The following SPINK8 variants were observed in gnomAD, a reference collection of about 807,000 sequenced individuals.
SPINK8 encodes serine protease inhibitor Kazal-type 8.
Under a neutral mutation model 14.4 loss-of-function variants are expected in SPINK8, and 12 were observed. That is an observed-to-expected ratio of 0.83 (90% CI 0.53 to 1.35). The LOEUF (loss-of-function observed/expected upper bound fraction) is 1.35, where lower values mean the gene tolerates loss of function less well. Ranked by LOEUF, SPINK8 falls within the 40% of genes most tolerant of loss-of-function variation. The pLI is 0.00. For missense variants in SPINK8, 103 were observed against 117.0 expected, an observed-to-expected ratio of 0.88 and a Z score of 0.55; for synonymous variants, 32 against 37.6, an observed-to-expected ratio of 0.85 and a Z score of 0.55.
At chr3:48,323,311 A>G (rs1183782647) in intron 4 of SPINK8, among the ~76,000 whole-genome samples, 2 of 151,878 alleles carry the variant, frequency 1.3e-5, no homozygotes, top group Non-Finnish European at 2.9e-5. Context: ...CACCCAGCTA[A>G]TTTTTGTATT....
At chr3:48,322,304 G>A (rs773927326) in intron 4 of SPINK8, among the ~76,000 whole-genome samples, 3 of 149,646 alleles carry the variant, frequency 2.0e-5, no homozygotes, top group Non-Finnish European at 3.0e-5. Context: ...CCCCACCCTC[G>A]CCCCTGAAAA....
intron 4 of SPINK8, among the ~76,000 whole-genome samples, chr3:48,326,512 T>C (rs1448033671): frequency 2.7e-4 from 41 of 151,696 alleles, no homozygotes; most frequent in Non-Finnish European, 1.0e-4. Context: ...AAGGCTGAGA[T>C]GGGAGAATCG....
At chr3:48,311,260 A>G (rs2035921903) in intron 6 of SPINK8, among the ~76,000 whole-genome samples, 1 of 152,214 alleles carries the variant, frequency 6.6e-6, no homozygotes, top group Admixed American at 6.5e-5. Context: ...GATAAAGAAC[A>G]CTTATGAAAA....
chr3:48,317,883 G>C (rs1297319132), intron 6 of SPINK8, among the ~76,000 whole-genome samples: 2 of 152,046 alleles, frequency 1.3e-5, no homozygotes, highest in African/African-American at 4.8e-5. Context: ...TAGGACTACA[G>C]GCAGGTGCCA....
chr3:48,310,981 A>G (rs1283580256), intron 6 of SPINK8, among the ~76,000 whole-genome samples: 1 of 152,194 alleles, frequency 6.6e-6, no homozygotes. Flanking sequence ...AGATGCAAAG[A>G]TTCTCAGAAA....
At chr3:48,319,640 C>T in intron 5 of SPINK8, 22 bp from the exon 6 acceptor site, 1 of 1,613,572 alleles carries the variant, frequency 6.2e-7, no homozygotes, top group Non-Finnish European at 8.5e-7. Context: ...ACACACACAA[C>T]TGCTTCAGAC....
Position 48,306,926 on chromosome 3 carries a change from G to A in SPINK8, c.*66C>T. On this transcript the variant is annotated 3_prime_UTR_variant, in exon 8 of 8. Coordinates refer to ENST00000434006, the MANE Select transcript of SPINK8 (RefSeq NM_001080525.3). ...TAATTAAAGGGGATATATTTGAAGAGGCAACCATTGTGTTTCACTTGGCAA... is the reference window on the plus strand; with the variant it reads ...TAATTAAAGGGGATATATTTGAAGAAGCAACCATTGTGTTTCACTTGGCAA... The A allele has an allele frequency of 6.5e-7, 1 of 1,548,040 alleles. No individual in the cohort carries two copies. Among genetic ancestry groups the A allele is most frequent in the Non-Finnish European group, 8.9e-7 (1 of 1,125,286 alleles).
chr3:48,321,998 T>C (rs2036082789), intron 4 of SPINK8, among the ~76,000 whole-genome samples: 1 of 151,994 alleles, frequency 6.6e-6, no homozygotes, highest in Middle Eastern at 3.2e-3. Context: ...ATTTTTTTGG[T>C]GGAGCTGAGG....
At chr3:48,311,914 G>A (rs554169912) in intron 6 of SPINK8, among the ~76,000 whole-genome samples, 40 of 152,246 alleles carry the variant, frequency 2.6e-4, no homozygotes, top group African/African-American at 9.1e-4. Flanking sequence ...GAATTGCAAA[G>A]GGCCCTGAGT....
chr3:48,322,334 T>C (rs1246422089), intron 4 of SPINK8, among the ~76,000 whole-genome samples: 1 of 151,854 alleles, frequency 6.6e-6, no homozygotes, highest in African/African-American at 2.4e-5. Context: ...CACTTTCTGT[T>C]TCTTTTTGTT....
At chr3:48,308,549 G>T (rs1034495532) in intron 7 of SPINK8, among the ~76,000 whole-genome samples, 1 of 152,104 alleles carries the variant, frequency 6.6e-6, no homozygotes, top group Non-Finnish European at 1.5e-5. Flanking sequence ...TAGAAGATTT[G>T]GGATTTTCTA....
At chr3:48,321,272 T>C (rs1411544726) in intron 4 of SPINK8, among the ~76,000 whole-genome samples, 198 bp from the exon 5 acceptor site, 2 of 152,166 alleles carry the variant, frequency 1.3e-5, no homozygotes, top group South Asian at 2.1e-4. Flanking sequence ...TCTTGTAAAA[T>C]GGAGTTCTTA....
At chr3:48,328,512 T>A (rs2036176933) in intron 3 of SPINK8, among the ~76,000 whole-genome samples, 158 bp from the exon 4 acceptor site, 1 of 152,214 alleles carries the variant, frequency 6.6e-6, no homozygotes, top group Non-Finnish European at 1.5e-5. Flanking sequence ...AATTGTTTAA[T>A]TCATTTCCCT....
chr3:48,307,328 T>A (rs1405750098), intron 7 of SPINK8, among the ~76,000 whole-genome samples: 4 of 152,002 alleles, frequency 2.6e-5, no homozygotes, highest in Non-Finnish European at 5.9e-5. Context: ...GAGCTTTCCA[T>A]CTCCCTAAGA....
intron 4 of SPINK8, among the ~76,000 whole-genome samples, chr3:48,324,616 G>T (rs2036115670): frequency 6.6e-6 from 1 of 152,030 alleles, no homozygotes; most frequent in South Asian, 2.1e-4. Flanking sequence ...AGAACATATA[G>T]AATACATTCA....
chr3:48,313,715 A>G (rs2035952332), intron 6 of SPINK8, among the ~76,000 whole-genome samples: 1 of 152,222 alleles, frequency 6.6e-6, no homozygotes. Flanking sequence ...AACAACCCAA[A>G]TTTCCTTCAA....
At chr3:48,310,647 G>C (rs145671660) in intron 6 of SPINK8, among the ~76,000 whole-genome samples, 1 of 151,952 alleles carries the variant, frequency 6.6e-6, no homozygotes, top group African/African-American at 2.4e-5. Context: ...ACAGGCATGC[G>C]CCACCAGGCC....
chr3:48,330,440 ACCCAAGAGG>A (rs2036239768), intron 2 of SPINK8, among the ~76,000 whole-genome samples: 1 of 152,010 alleles, frequency 6.6e-6, no homozygotes, highest in African/African-American at 2.4e-5. Context: ...AATCGCTTGA[ACCCAAGAGG>A]CAGAGGTTGC....
chr3:48,320,914 C>A, intron 5 of SPINK8, 111 bp downstream of exon 5: 1 of 1,020,596 alleles, frequency 9.8e-7, no homozygotes, highest in South Asian at 1.6e-5. Context: ...TTCTGTTATT[C>A]CCATGCAAGC....
Sources: allele counts gnomAD v4.1 joint callset (sites outside exome capture counted in the v4.1 genomes callset), GRCh38; gene constraint gnomAD v4.1.1; transcripts MANE v1.5; gene names NCBI Gene and HGNC (gene_info 2026-07-23, HGNC 2026-07-21).